DDB1: variants seen among roughly 807,000 people sequenced by gnomAD.
The protein encoded by DDB1 is damage specific DNA binding protein 1.
Under a neutral mutation model 133.1 loss-of-function variants are expected in DDB1, and 18 were observed. That is an observed-to-expected ratio of 0.14 (90% confidence interval 0.09 to 0.20). The LOEUF is 0.20. Among genes scored for constraint, DDB1 ranks in the 10% least tolerant of loss-of-function variants. The pLI is 1.00. For missense variants in DDB1, 828 were observed against 1,459.2 expected, an observed-to-expected ratio of 0.57 and a Z score of 7.05; for synonymous variants, 580 against 550.5, an observed-to-expected ratio of 1.05 and a Z score of -0.75.
chr11:61,315,395 C>T (rs1371989175), intron 12 of DDB1: 1 of 151,994 alleles, frequency 6.6e-6, no homozygotes, highest in Non-Finnish European at 1.5e-5. Context: ...TGAGCTGGTG[C>T]CAGTCTTCAG....
At chr11:61,311,252 A>G (rs904887971) in intron 18 of DDB1, 1 of 149,714 alleles carries the variant, frequency 6.7e-6, no homozygotes, top group Admixed American at 6.8e-5. Context: ...ACTCCGTCTC[A>G]ATAACAAACA....
In DDB1 at chr11:61,308,627, C is replaced by CATA. The variant is rs562157937; in HGVS notation, c.2661+353_2661+355dup. ...AGCAAGGGAGGAGGTAGGGTCATGG[C>CATA]ATAAGCAGTGGAATATTTCAAAGGA... On this transcript the variant is annotated intron_variant, in intron 21 of 26. Coordinates refer to ENST00000301764, the MANE Select transcript of DDB1 (RefSeq NM_001923.5). 8.5e-5 allele frequency among the ~76,000 whole-genome samples: 13 copies of CATA among 152,296 alleles called. No individual in the cohort carries two copies. The East Asian group carries it at 2.3e-3, about 27-fold the overall frequency.
At chr11:61,303,426 C>A (rs1423685593) in intron 22 of DDB1, 2 of 369,732 alleles carry the variant, frequency 5.4e-6, no homozygotes, top group South Asian at 2.7e-5. Context: ...CAGTGGCTCA[C>A]GCCTGTAATC....
intron 25 of DDB1, chr11:61,301,408 A>C (rs765655219): frequency 6.5e-6 from 1 of 153,368 alleles, no homozygotes; most frequent in African/African-American, 2.4e-5. Flanking sequence ...ACAAAAAACA[A>C]AATTTTTTTT....
At chr11:61,309,221 G>T in intron 20 of DDB1, 144 bp from the exon 21 acceptor site, 1 of 714,298 alleles carries the variant, frequency 1.4e-6, no homozygotes, top group Non-Finnish European at 2.4e-6. Flanking sequence ...GTATCTACTG[G>T]AGTTAATGAC....
In DDB1 at chr11:61,309,947, G is replaced by C; in HGVS notation, c.2415C>G (p.His805Gln). ...GGGCATATTCATTCTGCAGAAACTG[G>C]TGGGCATGAAGCACTAGAGAGTAGA... is the stretch of plus-strand genomic sequence containing the variant. ...DQHTFEVLHA[H>Q]QFLQNEYALS... Residue 805 changes from histidine (H) to glutamine (Q), a missense_variant, in exon 20 of 27, where the codon CAC becomes CAG. This residue lies in a region of DDB1 where 396 missense variants were observed against 554.1 expected (regional missense o/e 0.71). Transcript: ENST00000301764. 6.2e-7 allele frequency: 1 copy of C among 1,614,214 alleles called. No homozygotes were observed. The highest frequency in any genetic ancestry group is 8.5e-7 in the Non-Finnish European group (1 of 1,180,036).
intron 2 of DDB1, 150 bp downstream of exon 2, chr11:61,331,393 G>A: frequency 9.8e-7 from 1 of 1,023,380 alleles, no homozygotes; most frequent in Non-Finnish European, 1.4e-6. Context: ...CTAAAGTGGA[G>A]GGATTGCTTG....
intron 18 of DDB1, 46 bp from the exon 19 acceptor site, chr11:61,310,464 A>G: frequency 6.4e-7 from 1 of 1,552,334 alleles, no homozygotes; most frequent in Non-Finnish European, 8.7e-7. Flanking sequence ...ACACAGAAGA[A>G]GTGCTGAGAC....
intron 8 of DDB1, 142 bp from the exon 9 acceptor site, chr11:61,322,554 G>A: frequency 1.5e-6 from 1 of 680,406 alleles, no homozygotes; most frequent in South Asian, 1.8e-5. Flanking sequence ...GATTCCAGAA[G>A]GGGACTATTG....
Position 61,311,908 on chromosome 11 carries a change from T to C in DDB1, c.2166-13A>G. 17 of 1,614,060 alleles carry C rather than the reference T, an allele frequency of 1.1e-5. No homozygotes were observed. Among genetic ancestry groups the C allele is most frequent in the Non-Finnish European group, 1.4e-5 (17 of 1,179,958 alleles). ...GTAGCAGATCTTCCTGCAGAACAAG[T>C]ACAGAACAACAGTGTCACTTAGAAA... On this transcript the variant is annotated splice_polypyrimidine_tract_variant and intron_variant, in intron 17 of 26. Transcript: ENST00000301764.
At chr11:61,321,468 T>C (rs1856179788) in intron 10 of DDB1, 127 bp downstream of exon 10, 1 of 745,992 alleles carries the variant, frequency 1.3e-6, no homozygotes, top group Non-Finnish European at 2.3e-6. Flanking sequence ...TTCTGATCTG[T>C]TGTTACGACT....
Position 61,300,222 on chromosome 11 carries a change from G to A in DDB1, c.3340-3C>T, listed in dbSNP as rs1855770148. ...TTCATACCGCTGCCATCGTCATACTGCAATGAGAAGATGGGCGGGGCTGTG... is the reference window on the plus strand; with the variant it reads ...TTCATACCGCTGCCATCGTCATACTACAATGAGAAGATGGGCGGGGCTGTG... On this transcript the variant is annotated splice_region_variant and splice_polypyrimidine_tract_variant and intron_variant, in intron 26 of 26. Transcript: ENST00000301764. 1 of 1,613,918 alleles carries A rather than the reference G, an allele frequency of 6.2e-7. No individual in the cohort carries two copies. The highest frequency in any genetic ancestry group is 1.1e-5 in the South Asian group (1 of 91,006).
chr11:61,300,075 GGGGGAGGGCAGCAGGGCAAAGCCTTT>G lies in DDB1; in HGVS notation c.*35_*60del. The G allele has an allele frequency of 6.5e-7, 1 of 1,545,868 alleles. No individual in the cohort carries two copies. The highest frequency in any genetic ancestry group is 1.7e-5 in the Admixed American group (1 of 59,774). On this transcript the variant is annotated 3_prime_UTR_variant, in exon 27 of 27. Coordinates refer to ENST00000301764, the MANE Select transcript of DDB1 (RefSeq NM_001923.5). Reference sequence around the variant, plus strand: ...GCCAAGAAGACGATGGTGGAGAGGAGGGGGAGGGCAGCAGGGCAAAGCCTTTGGGGAGGGTCAGCAAAGGGGCCCCC... The same window carrying G: ...GCCAAGAAGACGATGGTGGAGAGGAGGGGGAGGGTCAGCAAAGGGGCCCCC...
At chr11:61,322,625 A>C in intron 8 of DDB1, 2 of 565,098 alleles carry the variant, frequency 3.5e-6, no homozygotes, top group Admixed American at 6.1e-5. Context: ...GCTGACCTAG[A>C]GTCCATGGAT....
chr11:61,311,851 G>C lies in DDB1; in HGVS notation c.2210C>G (p.Ser737Cys). Residue 737 changes from serine to cysteine, a missense_variant, in exon 18 of 27, where the codon TCC becomes TGC. Ser to Cys is a moderately radical substitution (Grantham distance 112, BLOSUM62 -1). Coordinates refer to ENST00000301764, the MANE Select transcript of DDB1 (RefSeq NM_001923.5). ...CGTGTCTTGGACTTCAATGCGGCTGGAGAGGACCCCGAAACACTGGGACAC... is the reference window on the plus strand; with the variant it reads ...CGTGTCTTGGACTTCAATGCGGCTGCAGAGGACCCCGAAACACTGGGACAC... Reference protein sequence around the residue: ...QEVSQCFGVLSSRIEVQDTSG... With the variant: ...QEVSQCFGVLCSRIEVQDTSG... 1.2e-6 allele frequency: 2 copies of C among 1,614,166 alleles called. No individual in the cohort carries two copies. The highest frequency in any genetic ancestry group is 8.5e-7 in the Non-Finnish European group (1 of 1,180,026).
chr11:61,326,938 C>T, intron 4 of DDB1, 45 bp from the exon 5 acceptor site: 1 of 1,461,646 alleles, frequency 6.8e-7, no homozygotes, highest in Non-Finnish European at 9.6e-7. Context: ...AAGGGTGAGC[C>T]TTGGGCTAGA....
intron 10 of DDB1, among the ~76,000 whole-genome samples, chr11:61,318,322 G>A (rs1856123700): frequency 6.6e-6 from 1 of 152,180 alleles, no homozygotes; most frequent in South Asian, 2.1e-4. Context: ...ATAAAGGTCA[G>A]GTAGAGGCTC....
intron 2 of DDB1, 147 bp from the exon 3 acceptor site, chr11:61,330,221 T>C (rs1336789159): frequency 5.0e-6 from 3 of 605,678 alleles, no homozygotes; most frequent in Non-Finnish European, 5.8e-6. Flanking sequence ...TAACCCACAC[T>C]AGGTACACAT....
At chr11:61,327,257 G>A (rs1856285021) in intron 4 of DDB1, among the ~76,000 whole-genome samples, 1 of 152,138 alleles carries the variant, frequency 6.6e-6, no homozygotes, top group Non-Finnish European at 1.5e-5. Context: ...ATCACCTGAG[G>A]TCAGGAATTC....
Sources: gnomAD v4.1 joint callset for allele counts (sites outside exome capture counted in the v4.1 genomes callset) on GRCh38, gnomAD v4.1.1 for gene constraint, gnomAD v4.1.1 regional missense constraint, MANE v1.5 for transcripts, NCBI Gene and HGNC (gene_info 2026-07-23, HGNC 2026-07-21) for gene names.